The following SUPT3H variants were observed in gnomAD, a reference collection of about 807,000 sequenced individuals.
SUPT3H encodes transcription initiation protein SPT3 homolog.
In SUPT3H, 44 loss-of-function variants were observed where a neutral mutation model predicts 44.3. The ratio of observed to expected loss-of-function variants is 0.99; its 90% CI spans 0.78 to 1.28. The LOEUF (loss-of-function observed/expected upper bound fraction) is 1.28. Among genes scored for constraint, SUPT3H ranks in the 50% most tolerant of loss-of-function variants. The pLI is 0.00. For synonymous variants in SUPT3H, 124 were observed against 125.6 expected, an observed-to-expected ratio of 0.99 and a Z score of 0.09; for missense variants, 380 against 387.1, an observed-to-expected ratio of 0.98 and a Z score of 0.15.
At chr6:44,913,948 T>A (rs1424498156) in intron 10 of SUPT3H, among the ~76,000 whole-genome samples, 1 of 152,176 alleles carries the variant, frequency 6.6e-6, no homozygotes, top group African/African-American at 2.4e-5. Flanking sequence ...GAGTCCTCAT[T>A]AAATATTTTC....
chr6:45,365,312 A>C lies in SUPT3H; in HGVS notation c.1-11T>G. The C allele has an allele frequency of 1.3e-6, 2 of 1,587,504 alleles. No individual in the cohort carries two copies. The highest frequency in any genetic ancestry group is 1.7e-6 in the Non-Finnish European group (2 of 1,158,850). ...TGCCGTATTATTCATCTAAATAAAA[A>C]GGAGAAATAAAGCTTACAAAATGTA... On this transcript the variant is annotated splice_polypyrimidine_tract_variant and intron_variant, in intron 1 of 10. Coordinates refer to ENST00000371459, the MANE Select transcript of SUPT3H (RefSeq NM_003599.4).
At chr6:44,917,255 T>C (rs1014764541) in intron 10 of SUPT3H, among the ~76,000 whole-genome samples, 1 of 152,212 alleles carries the variant, frequency 6.6e-6, no homozygotes, top group Admixed American at 6.5e-5. Flanking sequence ...GACAGTAGAA[T>C]GTTAACTGGT....
intron 3 of SUPT3H, among the ~76,000 whole-genome samples, chr6:45,026,384 T>C (rs149160069): frequency 6.6e-6 from 1 of 151,872 alleles, no homozygotes; most frequent in African/African-American, 2.4e-5. Context: ...TGTGGGTTTA[T>C]GTTTCTCTTT....
chr6:44,973,086 C>T (rs773773034), intron 6 of SUPT3H, among the ~76,000 whole-genome samples: 30 of 152,298 alleles, frequency 2.0e-4, no homozygotes, highest in African/African-American at 6.0e-4. Flanking sequence ...TATCATATCA[C>T]GAGGCTGCAA....
chr6:45,025,952 A>G (rs574821404), intron 3 of SUPT3H, among the ~76,000 whole-genome samples: 1 of 151,944 alleles, frequency 6.6e-6, no homozygotes, highest in East Asian at 1.9e-4. Context: ...TACTGAAAGT[A>G]TTTTAATGAG....
At chr6:45,225,004 C>A (rs901340946) in intron 2 of SUPT3H, among the ~76,000 whole-genome samples, 3 of 151,918 alleles carry the variant, frequency 2.0e-5, no homozygotes, top group East Asian at 3.9e-4. Flanking sequence ...ATCTGCCAGG[C>A]GTGGTGACTC....
chr6:44,913,303 T>C (rs1767336371), intron 10 of SUPT3H, among the ~76,000 whole-genome samples: 2 of 152,220 alleles, frequency 1.3e-5, no homozygotes, highest in South Asian at 4.1e-4. Context: ...ACAGCATGCC[T>C]GTGTTTATCA....
intron 6 of SUPT3H, among the ~76,000 whole-genome samples, chr6:44,992,599 T>C (rs750341918): frequency 1.3e-5 from 2 of 152,116 alleles, no homozygotes; most frequent in African/African-American, 2.4e-5. Flanking sequence ...TTAGGGAAAA[T>C]AGGATTACTA....
intron 2 of SUPT3H, among the ~76,000 whole-genome samples, chr6:45,180,939 A>G (rs1280903020): frequency 1.3e-5 from 2 of 150,658 alleles, no homozygotes; most frequent in African/African-American, 4.9e-5. Flanking sequence ...GCAACCTACA[A>G]AATGGGAGAA....
At chr6:45,331,106 TG>T (rs1787393799) in intron 2 of SUPT3H, among the ~76,000 whole-genome samples, 1 of 97,376 alleles carries the variant, frequency 1.0e-5, no homozygotes, top group Non-Finnish European at 2.8e-5. Flanking sequence ...CAATGAGTGG[TG>T]TGTGTGTGTG....
At chr6:44,959,962 T>C (rs555957845) in intron 7 of SUPT3H, among the ~76,000 whole-genome samples, 2 of 152,246 alleles carry the variant, frequency 1.3e-5, no homozygotes, top group Non-Finnish European at 2.9e-5. Context: ...TATTTTGCCA[T>C]ATAAAACAGA....
intron 6 of SUPT3H, among the ~76,000 whole-genome samples, chr6:44,995,265 T>C (rs1345699808): frequency 3.9e-5 from 6 of 152,028 alleles, no homozygotes; most frequent in Non-Finnish European, 8.8e-5. Context: ...CCCATGAAAC[T>C]AGAATCTTCC....
At chr6:45,302,646 C>G (rs1562914989) in intron 2 of SUPT3H, among the ~76,000 whole-genome samples, 1 of 150,212 alleles carries the variant, frequency 6.7e-6, no homozygotes, top group East Asian at 2.0e-4. Context: ...CTGCTGTAAA[C>G]ATGTGTGTGC....
intron 6 of SUPT3H, among the ~76,000 whole-genome samples, chr6:45,001,429 CA>C (rs1781991273): frequency 1.3e-5 from 2 of 151,930 alleles, no homozygotes. Flanking sequence ...ACTAGTAAGG[CA>C]AAATGGATGT....
chr6:44,836,407 G>A (rs893310925), intron 10 of SUPT3H, among the ~76,000 whole-genome samples: 1 of 152,128 alleles, frequency 6.6e-6, no homozygotes, highest in Admixed American at 6.5e-5. Flanking sequence ...CAACAGTGGA[G>A]GGAGCCCTGC....
At chr6:45,033,106 T>G (rs1787192250) in intron 3 of SUPT3H, among the ~76,000 whole-genome samples, 1 of 152,106 alleles carries the variant, frequency 6.6e-6, no homozygotes, top group African/African-American at 2.4e-5. Context: ...TAATACCAGT[T>G]TCCTTGCAGA....
At chr6:44,927,499 A>C (rs921989367) in intron 10 of SUPT3H, among the ~76,000 whole-genome samples, 1 of 152,220 alleles carries the variant, frequency 6.6e-6, no homozygotes, top group Non-Finnish European at 1.5e-5. Flanking sequence ...AACTTATGCA[A>C]ATATGTAAAA....
At position 44,860,051 on chromosome 6, in the gene SUPT3H, C is replaced by T. The variant is rs146023679; in HGVS notation, c.913-30194G>A. ...TCCTAAAAGAGTTTATATACCATGA[C>T]TCCCACTGAGATAAGCACAGCTCTT... On this transcript the variant is annotated intron_variant, in intron 10 of 10. Transcript: ENST00000371459. Among the ~76,000 whole-genome samples, 161 of 152,266 alleles carry T rather than the reference C, an allele frequency of 1.1e-3. 1 individual carries two copies. The highest frequency in any genetic ancestry group is 3.7e-3 in the African/African-American group (155 of 41,544).
chr6:44,889,216 C>T (rs1762857994), intron 10 of SUPT3H, among the ~76,000 whole-genome samples: 3 of 152,054 alleles, frequency 2.0e-5, no homozygotes, highest in Non-Finnish European at 2.9e-5. Flanking sequence ...GATTCAATGC[C>T]ATCCCCATCA....
Sources: gnomAD v4.1 joint callset for allele counts (sites outside exome capture counted in the v4.1 genomes callset) on GRCh38, gnomAD v4.1.1 for gene constraint, MANE v1.5 for transcripts, NCBI Gene and HGNC (gene_info 2026-07-23, HGNC 2026-07-21) for gene names.